The following ADAMTS13 variants were observed in gnomAD, a reference collection of about 807,000 sequenced individuals.
ADAMTS13 encodes the protein ADAM metallopeptidase with thrombospondin type 1 motif 13.
Under a neutral mutation model 155.1 loss-of-function variants are expected in ADAMTS13, and 110 were observed. The observed-to-expected ratio is 0.71, with a 90% CI of 0.61 to 0.83. ADAMTS13 has a LOEUF of 0.83. Among genes scored for constraint, ADAMTS13 ranks in the 40% least tolerant of loss-of-function variants. The probability of loss-of-function intolerance (pLI) is 0.00; values close to 1 mark genes in which losing one functional copy is unlikely to be tolerated. For synonymous variants in ADAMTS13, 758 were observed against 756.4 expected, an observed-to-expected ratio of 1.00 and a Z score of -0.03; for missense variants, 1,707 against 1,891.7, an observed-to-expected ratio of 0.90 and a Z score of 1.81.
At chr9:133,431,529 T>C (rs1464725794) in intron 8 of ADAMTS13, among the ~76,000 whole-genome samples, 1 of 152,102 alleles carries the variant, frequency 6.6e-6, no homozygotes, top group African/African-American at 2.4e-5. Context: ...GGTTTCATCA[T>C]GTTGGCCGGG....
At chr9:133,432,126 G>A (rs990543719) in intron 8 of ADAMTS13, among the ~76,000 whole-genome samples, 7 of 152,138 alleles carry the variant, frequency 4.6e-5, no homozygotes, top group African/African-American at 1.4e-4. Flanking sequence ...TTAGCCGGGC[G>A]TGGTGGCGCA....
Position 133,430,120 on chromosome 9 carries a change from GCCT to G in ADAMTS13, c.987+20_987+22del. Reference sequence around the variant, plus strand: ...GCACCTGGTGAGTCTGCCGGCGGTGGCCTGGGATTGGCTGTGAGGTCCCTCCGC... The same window carrying G: ...GCACCTGGTGAGTCTGCCGGCGGTGGGGGATTGGCTGTGAGGTCCCTCCGC... On this transcript the variant is annotated intron_variant, in intron 8 of 28. Transcript: ENST00000355699. The G allele has an allele frequency of 6.4e-7, 1 of 1,565,628 alleles. No homozygotes were observed. The highest frequency in any genetic ancestry group is 8.6e-7 in the Non-Finnish European group (1 of 1,160,688).
Position 133,454,398 on chromosome 9 carries a change from G to T in ADAMTS13, c.3045-17G>T, listed in dbSNP as rs781798072. 4 of 1,613,576 alleles carry T rather than the reference G, an allele frequency of 2.5e-6. No homozygotes were observed. The East Asian group carries it at 6.7e-5, about 27-fold the overall frequency. ...TGGGGAGACCTAGCCTCTCTCTGGG[G>T]TCTTCTCTTCCTGCAGGTGGAAAGT... On this transcript the variant is annotated splice_polypyrimidine_tract_variant and intron_variant, in intron 23 of 28. Transcript: ENST00000355699.
At chr9:133,420,713 G>A (rs1368711213), upstream of ADAMTS13, among the ~76,000 whole-genome samples, 1 of 152,192 alleles carries the variant, frequency 6.6e-6, no homozygotes, top group Non-Finnish European at 1.5e-5. Context: ...ACCCTAGTCA[G>A]CAAATGGCTG....
intron 11 of ADAMTS13, among the ~76,000 whole-genome samples, chr9:133,434,145 G>A (rs1214867932): frequency 1.3e-5 from 2 of 151,810 alleles, no homozygotes; most frequent in African/African-American, 2.4e-5. Context: ...TGGGACCCCA[G>A]TTCATAAACC....
At chr9:133,422,154 C>T (rs1216009294), upstream of ADAMTS13, 1 of 523,322 alleles carries the variant, frequency 1.9e-6, no homozygotes, top group East Asian at 3.2e-5. Context: ...TAGGCCTCCT[C>T]TAAGGGGGTG....
chr9:133,436,771 T>TGCCCCGGGGGGGGGGGGGGGGG, intron 11 of ADAMTS13, 58 bp from the exon 12 acceptor site: 1 of 1,043,206 alleles, frequency 9.6e-7, no homozygotes, highest in Non-Finnish European at 1.4e-6. Flanking sequence ...AGTCTCCCAG[T>TGCCCCGGGGGGGGGGGGGGGGG]GACAACACCC....
At chr9:133,422,270 A>G, upstream of ADAMTS13, 13 of 646,986 alleles carry the variant, frequency 2.0e-5, no homozygotes, top group South Asian at 2.3e-4. Flanking sequence ...GAGGAGCTGC[A>G]GGCCGCCCAC....
chr9:133,455,548 G>A lies in ADAMTS13; in HGVS notation c.3400+113G>A, dbSNP rs368634068. The stretch of plus-strand genomic sequence containing the variant: ...AGGCCCGGGGCCTGCTCTTCTCCCC[G>A]GCTCCCCAGCCTCGGCGGCTCCTGC... On this transcript the variant is annotated intron_variant, in intron 25 of 28. Transcript: ENST00000355699. The A allele has an allele frequency of 1.4e-5, 22 of 1,609,800 alleles. No individual in the cohort carries two copies. The highest frequency in any genetic ancestry group is 2.1e-4 in the Middle Eastern group (1 of 4,838).
intron 13 of ADAMTS13, 131 bp downstream of exon 13, chr9:133,438,028 A>G: frequency 6.5e-7 from 1 of 1,547,168 alleles, no homozygotes. Flanking sequence ...GTGCTGGGGA[A>G]AAGGATCTGG....
In ADAMTS13 at chr9:133,443,526, G is replaced by T. The variant is rs782014438; in HGVS notation, c.2385G>T (p.Ala795=). Residue 795 remains alanine (A), a synonymous_variant, in exon 19 of 29, where the codon GCG becomes GCT. Coordinates refer to ENST00000355699, the MANE Select transcript of ADAMTS13 (RefSeq NM_139027.6). Reference sequence around the variant, plus strand: ...CAGGGGCCCAGCAGCCAGCTGTGGCGCTGGAAACCTGCAACCCCCAGCCCT... The same window carrying T: ...CAGGGGCCCAGCAGCCAGCTGTGGCTCTGGAAACCTGCAACCCCCAGCCCT... ...CRAGAQQPAV[A]LETCNPQPCP... is the part of the protein sequence containing the mutation. 5 of 1,574,594 alleles carry T rather than the reference G, an allele frequency of 3.2e-6. No individual in the cohort carries two copies. In the African/African-American group the frequency reaches 4.0e-5, roughly 13 times the overall value.
At chr9:133,436,793 CA>C in intron 11 of ADAMTS13, 35 bp from the exon 12 acceptor site, 1 of 847,128 alleles carries the variant, frequency 1.2e-6, no homozygotes, top group South Asian at 1.4e-5. Flanking sequence ...CCCCCCGCCC[CA>C]CCGCCATCCC....
In ADAMTS13 at chr9:133,440,675, G is replaced by A; in HGVS notation, c.1968+150G>A. 1 of 977,286 alleles carries A rather than the reference G, an allele frequency of 1.0e-6. No individual in the cohort carries two copies. The highest frequency in any genetic ancestry group is 1.5e-6 in the Non-Finnish European group (1 of 681,168). The allele number at this position is 977,286 out of a possible 1,614,324, so 60.5% of individuals were successfully genotyped here. A position where few individuals can be genotyped will look rare whatever the true frequency, so the allele number is the denominator to read the frequency against. ...GGACCCACTATGTGTTGGGCCCTGT[G>A]CTAGGCAAAATGTAGCTAGCTCCTC... On this transcript the variant is annotated intron_variant, in intron 16 of 28. Transcript: ENST00000355699. This position sits in a 1 kb window ranked among gnomAD's most constrained non-coding sequence, Gnocchi z 4.3.
upstream of ADAMTS13, chr9:133,417,510 G>T: frequency 2.6e-6 from 3 of 1,141,878 alleles, no homozygotes; most frequent in South Asian, 1.4e-5. Context: ...ACAAGATTTC[G>T]ATTCAAATCT....
chr9:133,435,591 G>A (rs1186168730), intron 11 of ADAMTS13, among the ~76,000 whole-genome samples: 28 of 150,092 alleles, frequency 1.9e-4, no homozygotes, highest in African/African-American at 6.6e-4. Context: ...GTGCGGTGGC[G>A]CGATCTCGGC....
chr9:133,437,921 A>T (rs782035081), intron 13 of ADAMTS13, 24 bp downstream of exon 13: 1 of 1,612,852 alleles, frequency 6.2e-7, no homozygotes. Flanking sequence ...GACATTGGCG[A>T]TGGCCCTGGG....
At chr9:133,428,607 T>C in intron 6 of ADAMTS13, 27 bp from the exon 7 acceptor site, 1 of 952,622 alleles carries the variant, frequency 1.0e-6, no homozygotes. Flanking sequence ...CCGGCCGCCT[T>C]AGCGCAACTC....
In ADAMTS13 at chr9:133,439,859, A is replaced by T. The variant is rs139789731; in HGVS notation, c.1786+413A>T. Among the ~76,000 whole-genome samples, 704 of 152,272 alleles carry T rather than the reference A, an allele frequency of 4.6e-3. 1 individual carries two copies. The highest frequency in any genetic ancestry group is 7.3e-3 in the Non-Finnish European group (494 of 68,016). ...CATGATTGACTAATTGGCCAGGTGG[A>T]TACTCTCAGTCTCTTGGTGACCCAG... On this transcript the variant is annotated intron_variant, in intron 15 of 28. Transcript: ENST00000355699.
intron 23 of ADAMTS13, among the ~76,000 whole-genome samples, chr9:133,452,732 AT>A (rs1000270539): frequency 6.6e-6 from 1 of 151,664 alleles, no homozygotes; most frequent in Non-Finnish European, 1.5e-5. Context: ...CTGGACTTGA[AT>A]TCCTGGGCTC....
Sources: gnomAD v4.1 joint callset for allele counts (sites outside exome capture counted in the v4.1 genomes callset) on GRCh38, gnomAD v4.1.1 for gene constraint, Gnocchi (gnomAD v3.1) non-coding constraint, MANE v1.5 for transcripts, NCBI Gene and HGNC (gene_info 2026-07-23, HGNC 2026-07-21) for gene names.